DSTYK: variants seen among roughly 807,000 people sequenced by gnomAD.
The protein encoded by DSTYK is dual serine/threonine and tyrosine protein kinase, also known as RIP-homologous kinase.
A neutral mutation model predicts 98.7 loss-of-function variants in DSTYK; 34 were observed. That is an observed-to-expected ratio of 0.34 (90% CI 0.26 to 0.46). DSTYK has a LOEUF of 0.46. Among genes scored for constraint, DSTYK ranks in the 20% least tolerant of loss-of-function variants. DSTYK has a pLI of 1.00. For missense variants in DSTYK, 962 were observed against 1,181.7 expected, an observed-to-expected ratio of 0.81 and a Z score of 2.73; for synonymous variants, 462 against 457.3, an observed-to-expected ratio of 1.01 and a Z score of -0.13.
intron 1 of DSTYK, among the ~76,000 whole-genome samples, chr1:205,195,649 C>T (rs1416247036): frequency 6.6e-6 from 1 of 152,204 alleles, no homozygotes; most frequent in East Asian, 1.9e-4. Flanking sequence ...AAAGCTCTCG[C>T]TGGAATCGGA....
intron 7 of DSTYK, among the ~76,000 whole-genome samples, chr1:205,160,739 C>T (rs1657693832): frequency 1.3e-5 from 2 of 151,970 alleles, no homozygotes; most frequent in African/African-American, 4.8e-5. Flanking sequence ...AATAATCTAA[C>T]TGGTTTAATT....
Position 205,211,389 on chromosome 1 carries a change from C to T in DSTYK, c.147G>A (p.Gln49=). 6.2e-7 allele frequency: 1 copy of T among 1,612,308 alleles called. No homozygotes were observed. Among genetic ancestry groups the T allele is most frequent in the Non-Finnish European group, 8.5e-7 (1 of 1,179,510 alleles). The change falls in exon 1 of 13, where the codon CAG becomes CAA. Residue 49 remains glutamine, a synonymous_variant. Transcript: ENST00000367162. ...AGCACTTGATGTCGCGGAAGAACTT[C>T]TGGGTCTCGCGCAGGTTCTGTCGCA... ...GRLRQNLRET[Q]KFFRDIKCSH...
intron 11 of DSTYK, among the ~76,000 whole-genome samples, chr1:205,149,767 A>G (rs1657349789): frequency 1.3e-5 from 2 of 152,218 alleles, no homozygotes; most frequent in African/African-American, 4.8e-5. Context: ...ACAAGCCTTG[A>G]TTCTTCTGTG....
chr1:205,173,272 T>G (rs1260541255), intron 2 of DSTYK: 1 of 150,996 alleles, frequency 6.6e-6, no homozygotes, highest in African/African-American at 2.4e-5. Flanking sequence ...TGCACACCTA[T>G]AATTCCAGCT....
intron 10 of DSTYK, among the ~76,000 whole-genome samples, chr1:205,154,185 T>G (rs1405954426): frequency 6.6e-6 from 1 of 151,992 alleles, no homozygotes; most frequent in Non-Finnish European, 1.5e-5. Flanking sequence ...TCCATAAGTT[T>G]AACATTTTTC....
intron 1 of DSTYK, chr1:205,202,780 T>G (rs557075060): frequency 3.6e-5 from 22 of 610,856 alleles, no homozygotes; most frequent in South Asian, 5.5e-5. Flanking sequence ...AATATTTTTT[T>G]AAAAAAAGGA....
rs142873756 is a variant in DSTYK, at chr1:205,195,787, T to G, written c.266-7981A>C. 9.9e-4 allele frequency among the ~76,000 whole-genome samples: 151 copies of G among 152,368 alleles called. 2 individuals are homozygous for G. Among genetic ancestry groups the G allele is most frequent in the African/African-American group, 3.4e-3 (142 of 41,586 alleles). ...AGGAGACCGCCTCCCTAGGGGCTGATACTCCCTGGGAGCCACGTGAAATGG... is the reference window on the plus strand; with the variant it reads ...AGGAGACCGCCTCCCTAGGGGCTGAGACTCCCTGGGAGCCACGTGAAATGG... On this transcript the variant is annotated intron_variant, in intron 1 of 12. Coordinates refer to ENST00000367162, the MANE Select transcript of DSTYK (RefSeq NM_015375.3).
At chr1:205,180,460 CA>C (rs1367983611) in intron 2 of DSTYK, among the ~76,000 whole-genome samples, 1 of 152,040 alleles carries the variant, frequency 6.6e-6, no homozygotes, top group Non-Finnish European at 1.5e-5. Flanking sequence ...TTTTTATGGC[CA>C]CACAGGATGT....
chr1:205,152,424 G>C (rs1360844751), intron 10 of DSTYK, among the ~76,000 whole-genome samples: 1 of 152,190 alleles, frequency 6.6e-6, no homozygotes, highest in African/African-American at 2.4e-5. Flanking sequence ...TGATCAACCT[G>C]CCTCGGCCTC....
chr1:205,165,113 AG>A (rs1230442223), intron 3 of DSTYK, among the ~76,000 whole-genome samples: 2 of 152,128 alleles, frequency 1.3e-5, no homozygotes, highest in African/African-American at 4.8e-5. Flanking sequence ...GCTTTTTTTG[AG>A]ACTGAGTTTA....
chr1:205,159,566 T>C lies in DSTYK; in HGVS notation c.2219A>G (p.Asp740Gly), dbSNP rs764717592. 1 of 1,611,806 alleles carries C rather than the reference T, an allele frequency of 6.2e-7. No homozygotes were observed. Among genetic ancestry groups the C allele is most frequent in the South Asian group, 1.1e-5 (1 of 90,482 alleles). ...CCTTACCTTCAGCCCTGTGTAGAGA[T>C]CCCGGTGTAGCCGCTCCATAATGAG... ...VLLIMERLHR[D>G]LYTGLKAGLT... is the part of the protein sequence containing the mutation. Residue 740 changes from aspartate (D) to glycine (G), a missense_variant, in exon 9 of 13, where the codon GAT becomes GGT. Physicochemically the swap from Asp to Gly is moderately conservative, Grantham distance 94 (BLOSUM62 -1). Transcript: ENST00000367162.
chr1:205,170,990 C>A lies in DSTYK; in HGVS notation c.655-1158G>T, dbSNP rs148241733. Reference sequence around the variant, plus strand: ...TCTGGTGATCACAGAACTGCCATGCCAGCTCTCAGTTACCTAGCTTCAGAC... The same window carrying A: ...TCTGGTGATCACAGAACTGCCATGCAAGCTCTCAGTTACCTAGCTTCAGAC... On this transcript the variant is annotated intron_variant, in intron 2 of 12. Coordinates refer to ENST00000367162, the MANE Select transcript of DSTYK (RefSeq NM_015375.3). 2.7e-5 allele frequency among the ~76,000 whole-genome samples: 4 copies of A among 150,466 alleles called. No homozygotes were observed. The East Asian group carries it at 7.8e-4, about 29-fold the overall frequency.
chr1:205,150,900 G>T lies in DSTYK; in HGVS notation c.2353-106C>A. 1 of 843,330 alleles carries T rather than the reference G, an allele frequency of 1.2e-6. No individual in the cohort carries two copies. Among genetic ancestry groups the T allele is most frequent in the Non-Finnish European group, 2.0e-6 (1 of 508,826 alleles). 52.2% of individuals were successfully genotyped at this position (843,330 alleles called of 1,614,324 possible). A position where few individuals can be genotyped will look rare whatever the true frequency, so the allele number is the denominator to read the frequency against. ...TACCTCAAAGTAGTGTCACTGGATA[G>T]GATTATGCTCTGAAAATGAGTTGTC... On this transcript the variant is annotated intron_variant, in intron 10 of 12. Coordinates refer to ENST00000367162, the MANE Select transcript of DSTYK (RefSeq NM_015375.3). This position sits in a 1 kb window ranked among gnomAD's most constrained non-coding sequence, Gnocchi z 4.1.
At chr1:205,208,964 A>T (rs1264622469) in intron 1 of DSTYK, among the ~76,000 whole-genome samples, 5 of 152,150 alleles carry the variant, frequency 3.3e-5, no homozygotes, top group Admixed American at 1.3e-4. Context: ...ATGGAACAAA[A>T]CCAAATTGCT....
At chr1:205,181,363 G>GT (rs1553364682) in intron 2 of DSTYK, among the ~76,000 whole-genome samples, 3 of 151,602 alleles carry the variant, frequency 2.0e-5, no homozygotes, top group African/African-American at 4.8e-5. Context: ...TGTTGGGTTT[G>GT]TTTTTTTTGA....
chr1:205,152,790 T>C (rs1274541523), intron 10 of DSTYK, among the ~76,000 whole-genome samples: 1 of 152,182 alleles, frequency 6.6e-6, no homozygotes, highest in African/African-American at 2.4e-5. Flanking sequence ...CTTTTGGATT[T>C]TGGAGCATTT....
chr1:205,199,761 G>A (rs562881828), intron 1 of DSTYK, among the ~76,000 whole-genome samples: 25 of 152,174 alleles, frequency 1.6e-4, no homozygotes, highest in East Asian at 7.7e-4. Flanking sequence ...AGCAAACCCC[G>A]TCATCCCTAG....
intron 5 of DSTYK, 97 bp from the exon 6 acceptor site, chr1:205,162,309 A>G (rs984044039): frequency 8.4e-5 from 118 of 1,413,158 alleles, no homozygotes. Context: ...CCATTCATTA[A>G]GAGCAGGCTC....
chr1:205,186,425 G>T (rs1377338842), intron 2 of DSTYK, among the ~76,000 whole-genome samples: 1 of 152,224 alleles, frequency 6.6e-6, no homozygotes, highest in African/African-American at 2.4e-5. Flanking sequence ...CTTCTAGAGT[G>T]TCACAGGCCA....
Sources: allele counts gnomAD v4.1 joint callset (sites outside exome capture counted in the v4.1 genomes callset), GRCh38; gene constraint gnomAD v4.1.1; non-coding constraint Gnocchi (gnomAD v3.1); transcripts MANE v1.5; gene names NCBI Gene and HGNC (gene_info 2026-07-23, HGNC 2026-07-21).